The following ANO7 variants were observed in gnomAD, a reference collection of about 807,000 sequenced individuals.
ANO7 encodes anoctamin-7.
In ANO7, 114 loss-of-function variants were observed where a neutral mutation model predicts 115.8. The observed-to-expected ratio is 0.98, with a 90% CI of 0.85 to 1.15. The LOEUF (loss-of-function observed/expected upper bound fraction) is 1.15. Among genes scored for constraint, ANO7 ranks in the 50% most tolerant of loss-of-function variants. ANO7 has a pLI of 0.00. For missense variants in ANO7, 1,302 were observed against 1,201.2 expected (o/e 1.08, Z -1.24); for synonymous variants, 550 against 498.2 (o/e 1.10, Z -1.38).
Position 241,195,849 on chromosome 2 carries a change from CGTG to C in ANO7, c.309+6_309+8del. 1 of 1,613,940 alleles carries C rather than the reference CGTG, an allele frequency of 6.2e-7. No homozygotes were observed. Among genetic ancestry groups the C allele is most frequent in the Non-Finnish European group, 8.5e-7 (1 of 1,179,898 alleles). On this transcript the variant is annotated splice_donor_5th_base_variant and intron_variant, in intron 4 of 24. Transcript: ENST00000674324. Reference sequence around the variant, plus strand: ...GGCTGGGCTGTGTGTAGACCAGGTACGTGGAGGCTGTCATGGGCAGGGCCCTAG... The same window carrying C: ...GGCTGGGCTGTGTGTAGACCAGGTACGAGGCTGTCATGGGCAGGGCCCTAG...
In ANO7 at chr2:241,223,757, T is replaced by A; in HGVS notation, c.2508T>A (p.Ala836=). The change falls in exon 23 of 25, where the codon GCT becomes GCA. Residue 836 remains alanine (A), a synonymous_variant. Transcript: ENST00000674324. The part of the protein sequence containing the change: ...EIKVKREYYL[A]KQALAENEVL... ...AAGTGAAGCGGGAGTACTACCTGGC[T>A]AAGCAGGCACTGGCTGAGAATGAGG... 6.2e-7 allele frequency: 1 copy of A among 1,614,204 alleles called. No individual in the cohort carries two copies. Among genetic ancestry groups the A allele is most frequent in the Non-Finnish European group, 8.5e-7 (1 of 1,180,034 alleles).
In ANO7 at chr2:241,223,212, G is replaced by A. The variant is rs752463217; in HGVS notation, c.2348G>A (p.Gly783Glu). The change falls in exon 22 of 25, where the codon GGA becomes GAA. Residue 783 changes from glycine to glutamate, a missense_variant. Coordinates refer to ENST00000674324, the MANE Select transcript of ANO7 (RefSeq NM_001370694.2). Reference protein sequence around the residue: ...CRYRAFRDDDGHYSQTYWNLL... With the variant: ...CRYRAFRDDDEHYSQTYWNLL... ...TATCGGGCTTTCCGGGATGACGATGGACATTATTCCCAGACCTACTGGAAT... is the reference window on the plus strand; with the variant it reads ...TATCGGGCTTTCCGGGATGACGATGAACATTATTCCCAGACCTACTGGAAT... The A allele has an allele frequency of 1.1e-5, 18 of 1,614,092 alleles. No homozygotes were observed. Among genetic ancestry groups the A allele is most frequent in the Non-Finnish European group, 1.5e-5 (18 of 1,180,030 alleles).
At chr2:241,230,111 G>A (rs760969564), downstream of ANO7, 12 of 1,588,620 alleles carry the variant, frequency 7.6e-6, no homozygotes, top group South Asian at 3.3e-5. The surrounding 1 kb of genome is among the most constrained non-coding windows in gnomAD (Gnocchi z 5.0). Flanking sequence ...GCCGGTGGAC[G>A]TGCCAGGGCG....
chr2:241,223,084 G>C (rs2069064524), intron 21 of ANO7, 102 bp from the exon 22 acceptor site: 1 of 1,032,150 alleles, frequency 9.7e-7, no homozygotes, highest in Non-Finnish European at 1.5e-6. Context: ...TGGGATGAGA[G>C]AGCGAAATGG....
chr2:241,220,322 T>C (rs1264252105), intron 21 of ANO7, among the ~76,000 whole-genome samples: 1 of 152,194 alleles, frequency 6.6e-6, no homozygotes, highest in Non-Finnish European at 1.5e-5. Context: ...AAAGTATAGG[T>C]CGAGTTATTT....
At chr2:241,200,369 T>C (rs976263786) in intron 6 of ANO7, 144 bp downstream of exon 6, 1 of 1,168,588 alleles carries the variant, frequency 8.6e-7, no homozygotes, top group Non-Finnish European at 1.2e-6. Flanking sequence ...CGCACGCTTA[T>C]CGCGTGTCTG....
chr2:241,213,794 C>T (rs915192496), intron 17 of ANO7, among the ~76,000 whole-genome samples: 2 of 152,190 alleles, frequency 1.3e-5, no homozygotes, highest in South Asian at 2.1e-4. Flanking sequence ...AGAGAAACTT[C>T]GCATGGGGTC....
chr2:241,233,852 T>C, the ANO7 span: 1 of 1,614,184 alleles, frequency 6.2e-7, no homozygotes, highest in Non-Finnish European at 8.5e-7. This position sits in a 1 kb window ranked among gnomAD's most constrained non-coding sequence, Gnocchi z 4.3. Context: ...GGAAACTGGA[T>C]GTTCACGTCA....
rs1218670173 is a variant in ANO7 at position 241,195,699 on chromosome 2, C to A, written c.167-4C>A. The A allele has an allele frequency of 8.7e-6, 14 of 1,613,746 alleles. No homozygotes were observed. Among genetic ancestry groups the A allele is most frequent in the Non-Finnish European group, 1.2e-5 (14 of 1,179,972 alleles). On this transcript the variant is annotated splice_polypyrimidine_tract_variant and splice_region_variant and intron_variant, in intron 3 of 24. Coordinates refer to ENST00000674324, the MANE Select transcript of ANO7 (RefSeq NM_001370694.2). ...CTCCTGCCTCTGTCCCTGTTGGCTC[C>A]CAGCAGACTTCGTCCTCGTTTGGGA... is the stretch of plus-strand genomic sequence containing the variant.
Position 241,212,209 on chromosome 2 carries a change from G to A in ANO7, c.1673+4G>A. 6.2e-7 allele frequency: 1 copy of A among 1,608,332 alleles called. No individual in the cohort carries two copies. Among genetic ancestry groups the A allele is most frequent in the Non-Finnish European group, 8.5e-7 (1 of 1,174,688 alleles). ...ACATTGCCTTCTTCAAGGGCAGGTT[G>A]GTGGGCACCTCTCCCTCTGGCCACA... On this transcript the variant is annotated splice_donor_region_variant and intron_variant, in intron 16 of 24. Coordinates refer to ENST00000674324, the MANE Select transcript of ANO7 (RefSeq NM_001370694.2).
At position 241,203,557 on chromosome 2, in the gene ANO7, G is replaced by A; in HGVS notation, c.889+59G>A. On this transcript the variant is annotated intron_variant, in intron 9 of 24. Transcript: ENST00000674324. This position sits in a 1 kb window ranked among gnomAD's most constrained non-coding sequence, Gnocchi z 4.8. Reference sequence around the variant, plus strand: ...GGCCCCCCCAGCTTGGTGTCAGGTTGTAACAATTTGCCAGTCCGTACCCCT... The same window carrying A: ...GGCCCCCCCAGCTTGGTGTCAGGTTATAACAATTTGCCAGTCCGTACCCCT... 7.6e-7 allele frequency: 1 copy of A among 1,309,554 alleles called. No individual in the cohort carries two copies. Among genetic ancestry groups the A allele is most frequent in the Non-Finnish European group, 1.0e-6 (1 of 986,368 alleles). The allele number at this position is 1,309,554 out of a possible 1,614,324, so 81.1% of individuals were successfully genotyped here.
intron 10 of ANO7, among the ~76,000 whole-genome samples, chr2:241,206,862 A>G (rs200924368): frequency 0.015 from 1,112 of 72,904 alleles, 92 homozygotes; most frequent in East Asian, 0.1. Flanking sequence ...ACACAGGTGG[A>G]CAGGAGTGCT....
At chr2:241,223,853 C>G in intron 23 of ANO7, 52 bp from the exon 24 acceptor site, 3 of 1,614,036 alleles carry the variant, frequency 1.9e-6, no homozygotes, top group Non-Finnish European at 1.7e-6. Flanking sequence ...TGCTCTACCT[C>G]CGGACACTGA....
chr2:241,224,652 C>T lies in ANO7; in HGVS notation c.*499C>T, dbSNP rs3732226. ...GACATCACCCACATGCCCCAGCTCT[C>T]GGACCCTGCAGCTCTGTGTCCCAGG... On this transcript the variant is annotated 3_prime_UTR_variant, in exon 25 of 25. Transcript: ENST00000674324. 1.3e-5 allele frequency: 2 copies of T among 159,886 alleles called. No individual in the cohort carries two copies. Among genetic ancestry groups the T allele is most frequent in the East Asian group, 1.8e-4 (1 of 5,414 alleles). 9.9% of individuals were successfully genotyped at this position (159,886 alleles called of 1,614,324 possible).
Position 241,203,472 on chromosome 2 carries a change from AG to A in ANO7, c.865del (p.Val289TrpfsTer132). 6.4e-7 allele frequency: 1 copy of A among 1,554,420 alleles called. No homozygotes were observed. The highest frequency in any genetic ancestry group is 8.7e-7 in the Non-Finnish European group (1 of 1,151,448). ...LDHVRRYFGE[K>X]VALYFAWLGF... ...CACGTGCGCAGGTACTTCGGGGAGAAGGTGGCCCTCTACTTCGCCTGGCTCG... is the reference window on the plus strand; with the variant it reads ...CACGTGCGCAGGTACTTCGGGGAGAAGTGGCCCTCTACTTCGCCTGGCTCG... On this transcript the variant is annotated frameshift_variant, in exon 9 of 25. Coordinates refer to ENST00000674324, the MANE Select transcript of ANO7 (RefSeq NM_001370694.2). LOFTEE classifies it high-confidence loss of function. This position sits in a 1 kb window ranked among gnomAD's most constrained non-coding sequence, Gnocchi z 4.8.
At chr2:241,237,519 A>G in the ANO7 span, among the ~76,000 whole-genome samples, 2 of 152,252 alleles carry the variant, frequency 1.3e-5, no homozygotes, top group African/African-American at 4.8e-5. Flanking sequence ...CCTGAAATCA[A>G]GGGTGATCCT....
chr2:241,234,275 T>G, the ANO7 span, among the ~76,000 whole-genome samples: 96 of 152,114 alleles, frequency 6.3e-4, no homozygotes, highest in Non-Finnish European at 1.2e-3. Context: ...GGGGCCCCGC[T>G]CTCCTCATTT....
intron 18 of ANO7, among the ~76,000 whole-genome samples, chr2:241,215,129 G>A (rs929113167): frequency 6.6e-6 from 1 of 152,222 alleles, no homozygotes; most frequent in African/African-American, 2.4e-5. Context: ...GTAGTTGTGG[G>A]AGACGCTACC....
Position 241,203,203 on chromosome 2 carries a change from T to C in ANO7, c.724-130T>C. The C allele has an allele frequency of 1.4e-6, 1 of 709,626 alleles. No homozygotes were observed. The highest frequency in any genetic ancestry group is 2.2e-6 in the Non-Finnish European group (1 of 462,956). The allele number at this position is 709,626 out of a possible 1,614,324, so 44.0% of individuals were successfully genotyped here. A position where few individuals can be genotyped will look rare whatever the true frequency, so the allele number is the denominator to read the frequency against. Reference sequence around the variant, plus strand: ...CCCACCCCTCCACATTACTCTATTTTTTCTTCATGGAGCAATCCCAGACTC... The same window carrying C: ...CCCACCCCTCCACATTACTCTATTTCTTCTTCATGGAGCAATCCCAGACTC... On this transcript the variant is annotated intron_variant, in intron 8 of 24. Coordinates refer to ENST00000674324, the MANE Select transcript of ANO7 (RefSeq NM_001370694.2). This position sits in a 1 kb window ranked among gnomAD's most constrained non-coding sequence, Gnocchi z 4.8.
Sources: gnomAD v4.1 joint callset for allele counts (sites outside exome capture counted in the v4.1 genomes callset) on GRCh38, gnomAD v4.1.1 for gene constraint, Gnocchi (gnomAD v3.1) non-coding constraint, MANE v1.5 for transcripts, NCBI Gene and HGNC (gene_info 2026-07-23, HGNC 2026-07-21) for gene names.